Variants in RPGRIP1 observed in about 807,000 individuals in gnomAD.
RPGRIP1 encodes X-linked retinitis pigmentosa GTPase regulator-interacting protein 1.
A neutral mutation model predicts 157.9 loss-of-function variants in RPGRIP1; 128 were observed. The ratio of observed to expected loss-of-function variants is 0.81; its 90% CI spans 0.70 to 0.94. RPGRIP1 has a LOEUF of 0.94. RPGRIP1 is among the 40% of genes least tolerant of loss of function. The pLI, the probability that RPGRIP1 is intolerant of heterozygous loss-of-function variation, is 0.00. For missense variants in RPGRIP1, 1,486 were observed against 1,545.8 expected, an observed-to-expected ratio of 0.96 and a Z score of 0.65; for synonymous variants, 554 against 571.6, an observed-to-expected ratio of 0.97 and a Z score of 0.44.
At chr14:21,311,734 C>A in intron 8 of RPGRIP1, 90 bp from the exon 9 acceptor site, 1 of 995,876 alleles carries the variant, frequency 1.0e-6, no homozygotes, top group Non-Finnish European at 1.5e-6. Flanking sequence ...TTTGTGACAT[C>A]TGTTAGAGAA....
chr14:21,348,758 C>T (rs1326287786), intron 24 of RPGRIP1, among the ~76,000 whole-genome samples: 1 of 150,514 alleles, frequency 6.6e-6, no homozygotes, highest in East Asian at 2.0e-4. Flanking sequence ...CTCTGCCTCC[C>T]AGGTTCCAGC....
In RPGRIP1 at chr14:21,312,506, G is replaced by T; in HGVS notation, c.1151G>T (p.Ser384Ile). 1 of 1,605,174 alleles carries T rather than the reference G, an allele frequency of 6.2e-7. No individual in the cohort carries two copies. The highest frequency in any genetic ancestry group is 8.5e-7 in the Non-Finnish European group (1 of 1,173,438). Residue 384 changes from serine (S) to isoleucine (I), a missense_variant and splice_region_variant, in exon 10 of 25, where the codon AGC becomes ATC. Physicochemically the swap from Ser to Ile is moderately radical, Grantham distance 142 (BLOSUM62 -2). Coordinates refer to ENST00000400017, the MANE Select transcript of RPGRIP1 (RefSeq NM_020366.4). Reference sequence around the variant, plus strand: ...GACAATTATGACAAACTCTTAGAAAGGTGAGTACCACATTTGGGTCCCAGA... The same window carrying T: ...GACAATTATGACAAACTCTTAGAAATGTGAGTACCACATTTGGGTCCCAGA... ...LNDNYDKLLE[S>I]MLDSSDSSSQ...
At chr14:21,350,845 T>C (rs1470531446) in intron 24 of RPGRIP1, among the ~76,000 whole-genome samples, 9 of 152,196 alleles carry the variant, frequency 5.9e-5, no homozygotes, top group Admixed American at 5.9e-4. Context: ...CTTAAGACTT[T>C]TCTGGTGATT....
intron 23 of RPGRIP1, among the ~76,000 whole-genome samples, chr14:21,347,666 A>C (rs1331298123): frequency 6.6e-6 from 1 of 152,198 alleles, no homozygotes; most frequent in Admixed American, 6.5e-5. Context: ...TAGAAAGTAG[A>C]TTAGTGGTTC....
At chr14:21,322,451 G>A (rs1023058658) in intron 14 of RPGRIP1, among the ~76,000 whole-genome samples, 7 of 152,068 alleles carry the variant, frequency 4.6e-5, no homozygotes, top group Non-Finnish European at 8.8e-5. Flanking sequence ...GAGCCACTGC[G>A]CCCGGCCCAT....
chr14:21,294,304 C>T (rs890954174), intron 2 of RPGRIP1, among the ~76,000 whole-genome samples: 2 of 151,466 alleles, frequency 1.3e-5, no homozygotes, highest in African/African-American at 4.8e-5. Context: ...GATCTCGGCT[C>T]ATGGCAACCT....
chr14:21,288,754 T>TG (rs1880401630), intron 2 of RPGRIP1, among the ~76,000 whole-genome samples: 4 of 152,008 alleles, frequency 2.6e-5, no homozygotes, highest in African/African-American at 9.6e-5. Context: ...CCTCAAGTGA[T>TG]CCGCCTGCCT....
chr14:21,324,796 T>C lies in RPGRIP1; in HGVS notation c.1941T>C (p.Asp647=). The change falls in exon 15 of 25, where the codon GAT becomes GAC. Residue 647 remains aspartate, a synonymous_variant. Coordinates refer to ENST00000400017, the MANE Select transcript of RPGRIP1 (RefSeq NM_020366.4). ...CTGCCGCCCTAGCTCAGGCTGGAGA[T>C]ACCCAACCTACCACTTTCTGCACCT... ...LTSAALAQAG[D]TQPTTFCTYS... The C allele has an allele frequency of 1.2e-6, 2 of 1,614,082 alleles. No homozygotes were observed. The highest frequency in any genetic ancestry group is 1.7e-6 in the Non-Finnish European group (2 of 1,179,908).
rs554939160 is a variant in RPGRIP1, at chr14:21,307,259, GC to G, written c.801-469del. On this transcript the variant is annotated intron_variant, in intron 6 of 24. Transcript: ENST00000400017. ...AGTAAAGACAAGGTTTTGCCATGTT[GC>G]CCAGGCTGGTCTCCAACTCCTGACC... Among the ~76,000 whole-genome samples the G allele has an allele frequency of 4.7e-4, 72 of 152,006 alleles. 1 individual carries two copies. The East Asian group carries it at 0.013, about 27-fold the overall frequency.
chr14:21,286,512 T>C (rs1039967259), intron 1 of RPGRIP1, among the ~76,000 whole-genome samples: 2 of 151,372 alleles, frequency 1.3e-5, no homozygotes, highest in Non-Finnish European at 2.9e-5. Context: ...AAATAAGAAA[T>C]TGGGCTGGCT....
rs757555537 is a variant in RPGRIP1 at position 21,302,501 on chromosome 14, G to T, written c.504G>T (p.Arg168Ser). Residue 168 changes from arginine (R) to serine (S), a missense_variant, in exon 5 of 25, where the codon AGG becomes AGT. Coordinates refer to ENST00000400017, the MANE Select transcript of RPGRIP1 (RefSeq NM_020366.4). ...CTAAACTTTTAGGGCCAAGGGACAG[G>T]CTGAGCTACACAGCCCCTCCATCGT... ...PEKPKRGPRD[R>S]LSYTAPPSFK... is the part of the protein sequence containing the mutation. The T allele has an allele frequency of 1.9e-6, 3 of 1,563,802 alleles. No homozygotes were observed. The South Asian group carries it at 3.6e-5, about 19-fold the overall frequency.
At chr14:21,310,856 G>T in intron 8 of RPGRIP1, 1 of 674,546 alleles carries the variant, frequency 1.5e-6, no homozygotes, top group Non-Finnish European at 2.8e-6. Context: ...GTATTTTTAA[G>T]CCTATTGCTG....
Position 21,339,779 on chromosome 14 carries a change from A to G in RPGRIP1, c.3340-3257A>G, listed in dbSNP as rs541206370. ...AGCCTTATGAGTTATTCTTTCCTTC[A>G]AGTAATTATGAAGTGCCTGTTTTAG... On this transcript the variant is annotated intron_variant, in intron 21 of 24. Coordinates refer to ENST00000400017, the MANE Select transcript of RPGRIP1 (RefSeq NM_020366.4). 1.2e-4 allele frequency among the ~76,000 whole-genome samples: 18 copies of G among 152,182 alleles called. No individual in the cohort carries two copies. In the South Asian group the frequency reaches 3.5e-3, roughly 30 times the overall value.
At chr14:21,348,804 TG>T (rs1383394162) in intron 24 of RPGRIP1, among the ~76,000 whole-genome samples, 2 of 151,488 alleles carry the variant, frequency 1.3e-5, no homozygotes, top group Non-Finnish European at 2.9e-5. Context: ...TCAGCTTCCA[TG>T]GTGTGCCACC....
intron 10 of RPGRIP1, among the ~76,000 whole-genome samples, chr14:21,313,075 A>G (rs527448947): frequency 5.1e-4 from 78 of 152,126 alleles, no homozygotes; most frequent in African/African-American, 1.8e-3. Context: ...GGCTCAAGTC[A>G]TCTGCCTGCA....
intron 21 of RPGRIP1, among the ~76,000 whole-genome samples, chr14:21,338,235 C>G (rs1439211291): frequency 2.0e-5 from 3 of 152,122 alleles, no homozygotes; most frequent in South Asian, 2.1e-4. Context: ...TTAACAGTTA[C>G]TAATGAGGAG....
rs540078189 is a variant in RPGRIP1 at position 21,329,738 on chromosome 14, C to T, written c.3100-511C>T. Among the ~76,000 whole-genome samples, 8 of 151,186 alleles carry T rather than the reference C, an allele frequency of 5.3e-5. 1 individual carries two copies. The highest frequency in any genetic ancestry group is 2.1e-4 in the South Asian group (1 of 4,764). ...GCTGGTCTCCTGACCTCAGGTGATC[C>T]GCCTGCCTCAGCCTCCCAAAGTGCT... On this transcript the variant is annotated intron_variant, in intron 19 of 24. Transcript: ENST00000400017.
intron 3 of RPGRIP1, among the ~76,000 whole-genome samples, chr14:21,296,305 A>G (rs1179340595): frequency 6.6e-6 from 1 of 150,900 alleles, no homozygotes; most frequent in Non-Finnish European, 1.5e-5. Context: ...GAGCTCAGGC[A>G]ATCAGCCTGC....
intron 14 of RPGRIP1, among the ~76,000 whole-genome samples, chr14:21,322,651 C>G (rs1344427995): frequency 6.6e-6 from 1 of 152,160 alleles, no homozygotes; most frequent in Non-Finnish European, 1.5e-5. Context: ...CATTCTTTCT[C>G]TCTTGCTCCT....
Sources: gnomAD v4.1 joint callset for allele counts (sites outside exome capture counted in the v4.1 genomes callset) on GRCh38, gnomAD v4.1.1 for gene constraint, MANE v1.5 for transcripts, NCBI Gene and HGNC (gene_info 2026-07-23, HGNC 2026-07-21) for gene names.